Variants in MUC13 observed in about 807,000 individuals in gnomAD.
MUC13 encodes the protein mucin 13, cell surface associated.
Under a neutral mutation model 48.3 loss-of-function variants are expected in MUC13, and 32 were observed. The ratio of observed to expected loss-of-function variants is 0.66; its 90% CI spans 0.50 to 0.89. The LOEUF is 0.89. Ranked by LOEUF, MUC13 falls within the 40% of genes least tolerant of loss-of-function variation. The probability of loss-of-function intolerance (pLI) is 0.00; values close to 1 mark genes in which losing one functional copy is unlikely to be tolerated. For missense variants in MUC13, 571 were observed against 622.8 expected, an observed-to-expected ratio of 0.92 and a Z score of 0.88; for synonymous variants, 199 against 224.9, an observed-to-expected ratio of 0.88 and a Z score of 1.03.
rs776470626 is a variant in MUC13 at position 124,908,216 on chromosome 3, C to T, written c.1470G>A (p.Thr490=). 7.4e-6 allele frequency: 12 copies of T among 1,613,996 alleles called. No individual in the cohort carries two copies. Among genetic ancestry groups the T allele is most frequent in the East Asian group, 4.5e-5 (2 of 44,882 alleles). ...EGSVFPKVRI[T]ASRDSQMQNP... ...TTTGCATCTGGCTGTCTCTGGAGGC[C>T]GTTATCCTGACCTTAGGAAAGACGC... is the stretch of plus-strand genomic sequence containing the variant. The change falls in exon 11 of 12, where the codon ACG becomes ACA. Residue 490 remains threonine, a synonymous_variant. Transcript: ENST00000616727.
Position 124,927,873 on chromosome 3 carries a change from G to A in MUC13, c.173C>T (p.Ala58Val), listed in dbSNP as rs767955947. Residue 58 changes from alanine to valine, a missense_variant, in exon 2 of 12, where the codon GCA (alanine) becomes GTA (valine). By Grantham distance (64) the Ala-to-Val change is moderately conservative (BLOSUM62 0). Coordinates refer to ENST00000616727, the MANE Select transcript of MUC13 (RefSeq NM_033049.4). ...AGCTGTTGGGAAAGAAGGTGTATTT[G>A]CTGTGGTGCTAGCAGTTTCAGGGAA... ...TNFPETASTT[A>V]NTPSFPTATS... The A allele has an allele frequency of 1.2e-5, 20 of 1,614,006 alleles. No individual in the cohort carries two copies. Among genetic ancestry groups the A allele is most frequent in the Middle Eastern group, 3.3e-4 (2 of 6,062 alleles).
At chr3:124,931,398 C>A (rs138086037) in intron 1 of MUC13, among the ~76,000 whole-genome samples, 1 of 145,664 alleles carries the variant, frequency 6.9e-6, no homozygotes, top group Non-Finnish European at 1.5e-5. Context: ...GACAACTGCA[C>A]TCCAGCCTGG....
At position 124,920,409 on chromosome 3, in the gene MUC13, T is replaced by C. The variant is rs1184900157; in HGVS notation, c.745-120A>G. On this transcript the variant is annotated intron_variant, in intron 4 of 11. Transcript: ENST00000616727. ...TAGCTTTTAACAGGATCCAACTGGG[T>C]AGAAAATGGACCCTGGGAGACTTCT... 5.3e-6 allele frequency: 4 copies of C among 753,070 alleles called. No homozygotes were observed. The African/African-American group carries it at 7.1e-5, about 13-fold the overall frequency. 46.6% of individuals were successfully genotyped at this position (753,070 alleles called of 1,614,324 possible).
intron 5 of MUC13, among the ~76,000 whole-genome samples, chr3:124,918,496 G>T (rs1472969780): frequency 6.6e-6 from 1 of 152,192 alleles, no homozygotes; most frequent in East Asian, 1.9e-4. Flanking sequence ...TTCTAGAAAG[G>T]AAACAGATGA....
At chr3:124,911,753 T>C (rs1935423326) in intron 9 of MUC13, among the ~76,000 whole-genome samples, 1 of 152,174 alleles carries the variant, frequency 6.6e-6, no homozygotes, top group Non-Finnish European at 1.5e-5. Context: ...CCAGAATTTT[T>C]GGAATTACTG....
intron 11 of MUC13, among the ~76,000 whole-genome samples, chr3:124,907,796 C>T (rs1218080507): frequency 6.6e-6 from 1 of 152,060 alleles, no homozygotes; most frequent in African/African-American, 2.4e-5. Context: ...TGGCTGAGGA[C>T]CTAGGTCTTC....
chr3:124,922,765 T>C (rs1435265680), intron 3 of MUC13, among the ~76,000 whole-genome samples: 1 of 4,484 alleles, frequency 2.2e-4, no homozygotes, highest in Non-Finnish European at 5.0e-4. Context: ...CTCCTATGCC[T>C]GGTCTCATAA....
Position 124,913,601 on chromosome 3 carries a change from C to A in MUC13, c.1045G>T (p.Asp349Tyr). Residue 349 changes from aspartate to tyrosine, a missense_variant, in exon 7 of 12, where the codon GAC becomes TAC. Transcript: ENST00000616727. ...CTCTGTGGGTTAGGCCTTTGCAGGTCAGATTTGCAATCGCATGCTAAACCA... is the reference window on the plus strand; with the variant it reads ...CTCTGTGGGTTAGGCCTTTGCAGGTAAGATTTGCAATCGCATGCTAAACCA... The part of the protein sequence containing the change: ...LNGLACDCKS[D>Y]LQRPNPQSPF... 6.2e-7 allele frequency: 1 copy of A among 1,614,186 alleles called. No individual in the cohort carries two copies. The highest frequency in any genetic ancestry group is 8.5e-7 in the Non-Finnish European group (1 of 1,180,026).
At chr3:124,925,705 C>T (rs886223097) in intron 2 of MUC13, among the ~76,000 whole-genome samples, 76 of 152,304 alleles carry the variant, frequency 5.0e-4, no homozygotes, top group African/African-American at 1.5e-3. Context: ...CCTCTGCCTC[C>T]CAGGCTTGAG....
chr3:124,928,629 G>T (rs1359549583), intron 1 of MUC13, among the ~76,000 whole-genome samples: 1 of 151,942 alleles, frequency 6.6e-6, no homozygotes, highest in African/African-American at 2.4e-5. Flanking sequence ...TGATCCTCCT[G>T]CCTCAGCCTC....
chr3:124,915,899 A>C (rs143473119), intron 6 of MUC13, among the ~76,000 whole-genome samples: 1 of 152,132 alleles, frequency 6.6e-6, no homozygotes, highest in African/African-American at 2.4e-5. Context: ...GCTGGTCTCA[A>C]ACTCCTGGGC....
chr3:124,931,261 T>C (rs1446610439), intron 1 of MUC13, among the ~76,000 whole-genome samples: 1 of 151,352 alleles, frequency 6.6e-6, no homozygotes, highest in East Asian at 1.9e-4. Context: ...TGAAACCCTG[T>C]CTCTACTAAA....
intron 5 of MUC13, among the ~76,000 whole-genome samples, 173 bp from the exon 6 acceptor site, chr3:124,916,653 C>G (rs1935516244): frequency 6.6e-6 from 1 of 152,184 alleles, no homozygotes; most frequent in African/African-American, 2.4e-5. Flanking sequence ...AATGTACAGG[C>G]TTGGAGGTCT....
chr3:124,928,041 C>A, intron 1 of MUC13, 48 bp from the exon 2 acceptor site: 22 of 1,200,232 alleles, frequency 1.8e-5, no homozygotes, highest in Non-Finnish European at 2.4e-5. Flanking sequence ...CATTGAATAA[C>A]TAATGGCAGT....
intron 10 of MUC13, among the ~76,000 whole-genome samples, chr3:124,909,485 C>CGTGTGTGTGT (rs71148156): frequency 1.8e-4 from 26 of 148,454 alleles, no homozygotes; most frequent in African/African-American, 6.2e-4. Flanking sequence ...TGTGTGCTTG[C>CGTGTGTGTGT]GTGTGTGTGT....
chr3:124,929,299 C>T (rs1023981319), intron 1 of MUC13, among the ~76,000 whole-genome samples: 2 of 152,178 alleles, frequency 1.3e-5, no homozygotes, highest in East Asian at 3.9e-4. Context: ...ACCTTGGCCG[C>T]CCAAGTGTTA....
chr3:124,919,525 T>C (rs1935559769), intron 5 of MUC13, among the ~76,000 whole-genome samples: 1 of 151,924 alleles, frequency 6.6e-6, no homozygotes, highest in Non-Finnish European at 1.5e-5. Context: ...TAAGGATAAA[T>C]ACAATAGTAA....
At chr3:124,929,495 T>C (rs1935757400) in intron 1 of MUC13, among the ~76,000 whole-genome samples, 1 of 152,244 alleles carries the variant, frequency 6.6e-6, no homozygotes. Flanking sequence ...GATTCCCCGA[T>C]GGGTCTATGA....
chr3:124,923,856 G>C lies in MUC13; in HGVS notation c.515-207C>G, dbSNP rs565103759. 2.0e-5 allele frequency among the ~76,000 whole-genome samples: 3 copies of C among 152,108 alleles called. 1 individual carries two copies. Among genetic ancestry groups the C allele is most frequent in the Non-Finnish European group, 4.4e-5 (3 of 68,026 alleles). On this transcript the variant is annotated intron_variant, in intron 2 of 11. Coordinates refer to ENST00000616727, the MANE Select transcript of MUC13 (RefSeq NM_033049.4). ...TTTGTTTCTGAAATTCTAGAGCCAA[G>C]TATAATACTTGTCAATAGTAAAGAT...
Sources: gnomAD v4.1 joint callset for allele counts (sites outside exome capture counted in the v4.1 genomes callset) on GRCh38, gnomAD v4.1.1 for gene constraint, MANE v1.5 for transcripts, NCBI Gene and HGNC (gene_info 2026-07-23, HGNC 2026-07-21) for gene names.